The following TNPO1 variants were observed in gnomAD, a reference collection of about 807,000 sequenced individuals.
TNPO1 encodes transportin 1.
A neutral mutation model predicts 119.5 loss-of-function variants in TNPO1; 8 were observed. That is an observed-to-expected ratio of 0.07 (90% confidence interval 0.04 to 0.12). TNPO1 has a LOEUF of 0.12. Ranked by LOEUF, TNPO1 falls within the 10% of genes least tolerant of loss-of-function variation. TNPO1 has a pLI of 1.00. For synonymous variants in TNPO1, 362 were observed against 363.0 expected (o/e 1.00, Z 0.03); for missense variants, 576 against 1,089.8 (o/e 0.53, Z 6.64).
chr5:72,833,140 T>C (rs909663793), intron 1 of TNPO1, among the ~76,000 whole-genome samples: 4 of 152,130 alleles, frequency 2.6e-5, no homozygotes, highest in African/African-American at 9.7e-5. Flanking sequence ...TCTTAGACAA[T>C]CCGAATTTGA....
chr5:72,896,683 GAC>G, intron 19 of TNPO1, 127 bp downstream of exon 19: 1 of 622,676 alleles, frequency 1.6e-6, no homozygotes, highest in Non-Finnish European at 2.7e-6. Flanking sequence ...CAGCCTGGTT[GAC>G]ATGGTGAAAC....
intron 1 of TNPO1, among the ~76,000 whole-genome samples, chr5:72,822,936 G>T (rs1038972119): frequency 5.8e-5 from 7 of 120,080 alleles, no homozygotes; most frequent in African/African-American, 2.2e-4. Flanking sequence ...TTTTTTTGGA[G>T]ACACAGTCTA....
chr5:72,868,458 A>AAAC lies in TNPO1; in HGVS notation c.596+2730_596+2731insACA, dbSNP rs1554052270. Among the ~76,000 whole-genome samples the AAAC allele has an allele frequency of 1.9e-3, 213 of 113,410 alleles. 30 individuals carry two copies. Among genetic ancestry groups the AAAC allele is most frequent in the Admixed American group, 6.2e-3 (60 of 9,740 alleles). 74.4% of individuals were successfully genotyped at this position (113,410 alleles called of 152,430 possible). A position where few individuals can be genotyped will look rare whatever the true frequency, so the allele number is the denominator to read the frequency against. Reference sequence around the variant, plus strand: ...AAAAAAAAAAAAAAAAAAAAAAAAAAACACAAAATAATATATCAGGCATTT... The same window carrying AAAC: ...AAAAAAAAAAAAAAAAAAAAAAAAAAAACACACAAAATAATATATCAGGCATTT... On this transcript the variant is annotated intron_variant, in intron 6 of 24. Coordinates refer to ENST00000337273, the MANE Select transcript of TNPO1 (RefSeq NM_002270.4).
At chr5:72,900,872 T>C (rs1031794180) in intron 21 of TNPO1, 102 bp from the exon 22 acceptor site, 15 of 633,698 alleles carry the variant, frequency 2.4e-5, no homozygotes, top group Non-Finnish European at 3.7e-5. Flanking sequence ...AATATAATCA[T>C]TATCTATACT....
chr5:72,817,697 G>A (rs1743762633), intron 1 of TNPO1, among the ~76,000 whole-genome samples: 1 of 152,172 alleles, frequency 6.6e-6, no homozygotes. Context: ...TGTGTAAGTG[G>A]TACTTTTTTT....
intron 2 of TNPO1, among the ~76,000 whole-genome samples, chr5:72,849,111 G>C (rs912433345): frequency 6.6e-6 from 1 of 152,230 alleles, no homozygotes; most frequent in African/African-American, 2.4e-5. Context: ...GGGGTTACTG[G>C]TGTTAACACC....
intron 1 of TNPO1, among the ~76,000 whole-genome samples, chr5:72,823,948 A>T (rs751526944): frequency 1.3e-5 from 2 of 152,048 alleles, no homozygotes; most frequent in Non-Finnish European, 2.9e-5. Context: ...CTCTTTTCCC[A>T]TCCTCACCTT....
intron 1 of TNPO1, among the ~76,000 whole-genome samples, chr5:72,827,027 T>C (rs192378392): frequency 1.3e-4 from 19 of 151,380 alleles, no homozygotes; most frequent in African/African-American, 4.6e-4. Flanking sequence ...GAGTAAAGGG[T>C]AGGGTAGAGA....
At chr5:72,820,751 A>G (rs1743924894) in intron 1 of TNPO1, among the ~76,000 whole-genome samples, 1 of 152,330 alleles carries the variant, frequency 6.6e-6, no homozygotes, top group South Asian at 2.1e-4. Context: ...ATAACTAACT[A>G]TAGATCACAG....
At chr5:72,882,409 T>TA in intron 9 of TNPO1, 58 bp from the exon 10 acceptor site, 1 of 1,315,166 alleles carries the variant, frequency 7.6e-7, no homozygotes, top group South Asian at 1.3e-5. Context: ...GGTTAAGACT[T>TA]ATTAATTATT....
chr5:72,873,355 G>A (rs559428447), intron 7 of TNPO1, among the ~76,000 whole-genome samples: 89 of 152,176 alleles, frequency 5.8e-4, no homozygotes, highest in Middle Eastern at 3.4e-3. Flanking sequence ...TCATGAAATG[G>A]AATTTTAAAA....
At chr5:72,878,252 T>C (rs1747959613) in intron 9 of TNPO1, among the ~76,000 whole-genome samples, 1 of 152,260 alleles carries the variant, frequency 6.6e-6, no homozygotes. Flanking sequence ...TCTTTGTCAA[T>C]AAAAGGTTGT....
chr5:72,891,665 G>GT, intron 14 of TNPO1, 145 bp from the exon 15 acceptor site: 1 of 604,530 alleles, frequency 1.7e-6, no homozygotes, highest in Non-Finnish European at 2.9e-6. Flanking sequence ...AAAAGGGACT[G>GT]TGCAGAGTGA....
intron 15 of TNPO1, among the ~76,000 whole-genome samples, chr5:72,892,272 T>A (rs893268616): frequency 1.3e-5 from 2 of 152,094 alleles, no homozygotes; most frequent in Non-Finnish European, 2.9e-5. Flanking sequence ...TTTCCATGTG[T>A]ACTTAACTAC....
At chr5:72,886,888 CAAAAAAAAA>C (rs5868651) in intron 11 of TNPO1, among the ~76,000 whole-genome samples, 173 bp from the exon 12 acceptor site, 5 of 70,376 alleles carry the variant, frequency 7.1e-5, no homozygotes, top group Non-Finnish European at 1.3e-4. Context: ...GACTCCATCT[CAAAAAAAAA>C]AAAAAAAAAA....
intron 11 of TNPO1, among the ~76,000 whole-genome samples, chr5:72,884,797 T>C (rs372172978): frequency 1.3e-5 from 2 of 152,178 alleles, no homozygotes; most frequent in African/African-American, 4.8e-5. Context: ...CATGTAATTC[T>C]TTGTTGCGGA....
At chr5:72,826,927 CAT>C (rs1210767588) in intron 1 of TNPO1, among the ~76,000 whole-genome samples, 1 of 151,338 alleles carries the variant, frequency 6.6e-6, no homozygotes, top group Admixed American at 6.6e-5. Flanking sequence ...GAAACAGTCA[CAT>C]GTTAATGTTT....
intron 11 of TNPO1, among the ~76,000 whole-genome samples, chr5:72,886,765 T>C (rs1461407512): frequency 6.6e-6 from 1 of 151,650 alleles, no homozygotes; most frequent in Non-Finnish European, 1.5e-5. Flanking sequence ...GGCACACACC[T>C]GTAATCCCAG....
At chr5:72,883,842 T>C (rs1051408311) in intron 11 of TNPO1, among the ~76,000 whole-genome samples, 1 of 152,138 alleles carries the variant, frequency 6.6e-6, no homozygotes, top group East Asian at 1.9e-4. Flanking sequence ...CTCCCTGGGC[T>C]CTGGTGATCC....
Sources: gnomAD v4.1 joint callset for allele counts (sites outside exome capture counted in the v4.1 genomes callset) on GRCh38, gnomAD v4.1.1 for gene constraint, MANE v1.5 for transcripts, NCBI Gene and HGNC (gene_info 2026-07-23, HGNC 2026-07-21) for gene names.